The following EPHA4 variants were observed in gnomAD, a reference collection of about 807,000 sequenced individuals.
The protein encoded by EPHA4 is ephrin type-A receptor 4.
EPHA4 carries 19 observed loss-of-function variants against 108.3 expected under a neutral mutation model. The observed-to-expected ratio is 0.18, with a 90% confidence interval of 0.12 to 0.26. EPHA4 has a LOEUF of 0.26. EPHA4 is among the 10% of genes least tolerant of loss of function. The pLI is 1.00. For missense variants in EPHA4, 917 were observed against 1,254.0 expected, an observed-to-expected ratio of 0.73 and a Z score of 4.06; for synonymous variants, 449 against 455.5, an observed-to-expected ratio of 0.99 and a Z score of 0.18.
At chr2:221,499,475 CATT>C (rs1559267402) in intron 4 of EPHA4, among the ~76,000 whole-genome samples, 1 of 148,734 alleles carries the variant, frequency 6.7e-6, no homozygotes, top group African/African-American at 2.4e-5. Flanking sequence ...TCATCATCAT[CATT>C]ATTATCTCTC....
intron 3 of EPHA4, among the ~76,000 whole-genome samples, chr2:221,551,704 C>A (rs1255265901): frequency 6.6e-6 from 1 of 152,096 alleles, no homozygotes; most frequent in Non-Finnish European, 1.5e-5. Context: ...AGTACACTAG[C>A]CATTCTTTAT....
At chr2:221,491,378 A>G (rs1692139869) in intron 4 of EPHA4, among the ~76,000 whole-genome samples, 1 of 152,214 alleles carries the variant, frequency 6.6e-6, no homozygotes, top group African/African-American at 2.4e-5. Flanking sequence ...AAAAGTATTT[A>G]TTGTTCACAA....
chr2:221,493,303 C>T (rs1692203248), intron 4 of EPHA4, among the ~76,000 whole-genome samples: 2 of 152,220 alleles, frequency 1.3e-5, no homozygotes, highest in East Asian at 1.9e-4. Flanking sequence ...CAAAGCCTCG[C>T]TCTAGACATC....
At chr2:221,486,951 AC>A (rs1691995166) in intron 4 of EPHA4, among the ~76,000 whole-genome samples, 1 of 152,106 alleles carries the variant, frequency 6.6e-6, no homozygotes, top group Non-Finnish European at 1.5e-5. Flanking sequence ...CCAAAGCTGT[AC>A]TAGTCAACTT....
At chr2:221,491,373 T>C (rs969758047) in intron 4 of EPHA4, among the ~76,000 whole-genome samples, 1 of 152,202 alleles carries the variant, frequency 6.6e-6, no homozygotes, top group Non-Finnish European at 1.5e-5. Flanking sequence ...GACAGAAAAG[T>C]ATTTATTGTT....
intron 5 of EPHA4, among the ~76,000 whole-genome samples, chr2:221,471,040 T>C (rs907851424): frequency 1.3e-5 from 2 of 152,120 alleles, no homozygotes; most frequent in African/African-American, 4.8e-5. Context: ...ATAGTTTAAA[T>C]TTCTATAGGC....
intron 2 of EPHA4, 112 bp downstream of exon 2, chr2:221,568,606 G>T: frequency 1.3e-6 from 1 of 764,798 alleles, no homozygotes; most frequent in Non-Finnish European, 2.1e-6. Flanking sequence ...AGGCCACAGC[G>T]GAAATCTGAC....
At chr2:221,480,068 G>A (rs1472477164) in intron 5 of EPHA4, among the ~76,000 whole-genome samples, 2 of 9,232 alleles carry the variant, frequency 2.2e-4, no homozygotes, top group Non-Finnish European at 4.1e-4. Flanking sequence ...CCCCACCCCC[G>A]GAAATGTTTT....
chr2:221,549,668 G>A (rs991375692), intron 3 of EPHA4, among the ~76,000 whole-genome samples: 5 of 142,528 alleles, frequency 3.5e-5, no homozygotes, highest in African/African-American at 1.0e-4. Flanking sequence ...CCTTTAATTC[G>A]CATGTTTAAG....
In EPHA4 at chr2:221,436,415, G is replaced by C. The variant is rs1260836606; in HGVS notation, c.2330C>G (p.Ala777Gly). The C allele has an allele frequency of 1.2e-6, 2 of 1,614,050 alleles. No individual in the cohort carries two copies. The highest frequency in any genetic ancestry group is 2.7e-5 in the African/African-American group (2 of 74,920). The change falls in exon 13 of 18, where the codon GCA (alanine) becomes GGA (glycine). Residue 777 changes from alanine to glycine, a missense_variant. Transcript: ENST00000281821. The part of the protein sequence containing the change: ...MSRVLEDDPE[A>G]AYTTRGGKIP... Reference sequence around the variant, plus strand: ...CTTTCTTACCCTGGTGGTGTAAGCTGCTTCCGGATCATCCTCAAGCACTCG... The same window carrying C: ...CTTTCTTACCCTGGTGGTGTAAGCTCCTTCCGGATCATCCTCAAGCACTCG...
intron 4 of EPHA4, among the ~76,000 whole-genome samples, chr2:221,496,948 C>A (rs1692317068): frequency 6.6e-6 from 1 of 152,068 alleles, no homozygotes; most frequent in African/African-American, 2.4e-5. Context: ...GGGTCTGAAC[C>A]TTAACTGTAC....
intron 17 of EPHA4, among the ~76,000 whole-genome samples, chr2:221,424,981 T>C (rs1297853213): frequency 6.6e-6 from 1 of 152,020 alleles, no homozygotes; most frequent in Non-Finnish European, 1.5e-5. Flanking sequence ...GAGCCTGACC[T>C]CATCTGGGTC....
upstream of EPHA4, chr2:221,572,442 G>T (rs1694876381): frequency 4.5e-6 from 2 of 440,260 alleles, no homozygotes; most frequent in Non-Finnish European, 7.9e-6. Flanking sequence ...AGCAGGGCCC[G>T]CCCCAGGGTT....
chr2:221,437,198 A>G, intron 11 of EPHA4, 76 bp from the exon 12 acceptor site: 7 of 1,045,500 alleles, frequency 6.7e-6, no homozygotes, highest in Non-Finnish European at 1.0e-5. Flanking sequence ...GCTGCGCACA[A>G]TTTTACTGCC....
At chr2:221,460,433 G>A (rs1377837612) in intron 5 of EPHA4, among the ~76,000 whole-genome samples, 1 of 152,182 alleles carries the variant, frequency 6.6e-6, no homozygotes, top group Non-Finnish European at 1.5e-5. Flanking sequence ...GTGTTGTATG[G>A]CTGCAAAGTC....
intron 3 of EPHA4, among the ~76,000 whole-genome samples, chr2:221,539,320 A>G (rs923370637): frequency 4.6e-5 from 7 of 152,230 alleles, no homozygotes; most frequent in African/African-American, 1.7e-4. Flanking sequence ...CCTGAAGTCA[A>G]ATAGCTAATA....
At chr2:221,552,398 A>G in intron 3 of EPHA4, among the ~76,000 whole-genome samples, 1 of 152,172 alleles carries the variant, frequency 6.6e-6, no homozygotes, top group East Asian at 1.9e-4. Flanking sequence ...CCAGCGGAGA[A>G]GCGATCTGGG....
chr2:221,571,675 C>T lies in EPHA4; in HGVS notation c.91+483G>A, dbSNP rs534694831. On this transcript the variant is annotated intron_variant, in intron 1 of 17. Coordinates refer to ENST00000281821, the MANE Select transcript of EPHA4 (RefSeq NM_004438.5). The surrounding 1 kb of genome is among the most constrained non-coding windows in gnomAD (Gnocchi z 6.3). ...TGCGCTGCGGAGCAGGCCCCGCAGC[C>T]CGGTCCCGAGAAGCGCAGGGCTCGG... 6.6e-6 allele frequency among the ~76,000 whole-genome samples: 1 copy of T among 152,274 alleles called. No homozygotes were observed. The highest frequency in any genetic ancestry group is 1.9e-4 in the East Asian group (1 of 5,146).
intron 2 of EPHA4, among the ~76,000 whole-genome samples, chr2:221,565,672 C>T (rs1164262505): frequency 1.3e-5 from 2 of 152,102 alleles, no homozygotes; most frequent in African/African-American, 4.8e-5. Flanking sequence ...AATTCTGTAT[C>T]CTTTTCATCT....
Sources: gnomAD v4.1 joint callset for allele counts (sites outside exome capture counted in the v4.1 genomes callset) on GRCh38, gnomAD v4.1.1 for gene constraint, Gnocchi (gnomAD v3.1) non-coding constraint, MANE v1.5 for transcripts, NCBI Gene and HGNC (gene_info 2026-07-23, HGNC 2026-07-21) for gene names.